The following DDX46 variants were observed in gnomAD, a reference collection of about 807,000 sequenced individuals.
DDX46 encodes the protein DEAD-box helicase 46.
In DDX46, 30 loss-of-function variants were observed where a neutral mutation model predicts 134.9. That is an observed-to-expected ratio of 0.22 (90% CI 0.17 to 0.30). The LOEUF (loss-of-function observed/expected upper bound fraction) is 0.30. Ranked by LOEUF, DDX46 falls within the 10% of genes least tolerant of loss-of-function variation. The pLI is 1.00. For missense variants in DDX46, 622 were observed against 1,248.7 expected (o/e 0.50, Z 7.56); for synonymous variants, 415 against 404.1 (o/e 1.03, Z -0.32).
In DDX46 at chr5:134,777,755, C is replaced by T. The variant is rs182596035; in HGVS notation, c.765+30C>T. The T allele has an allele frequency of 1.5e-4, 239 of 1,581,694 alleles. No individual in the cohort carries two copies. The Middle Eastern group carries it at 1.7e-3, about 11-fold the overall frequency. On this transcript the variant is annotated intron_variant, in intron 6 of 22. Coordinates refer to ENST00000452510, the MANE Select transcript of DDX46 (RefSeq NM_001300860.2). ...GGAATTTCTTATTTTTAAAGATTTCCGTTTCCTCTTGGGTAACTTGAGTTC... is the reference window on the plus strand; with the variant it reads ...GGAATTTCTTATTTTTAAAGATTTCTGTTTCCTCTTGGGTAACTTGAGTTC...
intron 21 of DDX46, among the ~76,000 whole-genome samples, chr5:134,821,456 C>T (rs1216003087): frequency 2.6e-5 from 4 of 151,870 alleles, no homozygotes; most frequent in African/African-American, 7.3e-5. Context: ...GGATTACAGG[C>T]ATGAGCCACT....
intron 15 of DDX46, among the ~76,000 whole-genome samples, chr5:134,799,514 G>C (rs1754764740): frequency 6.6e-6 from 1 of 151,902 alleles, no homozygotes; most frequent in Non-Finnish European, 1.5e-5. Context: ...GAGGCGGGTG[G>C]ATCACTTGAG....
In DDX46 at chr5:134,824,035, A is replaced by G. The variant is rs186862768; in HGVS notation, c.2978-2912A>G. Among the ~76,000 whole-genome samples the G allele has an allele frequency of 5.3e-5, 8 of 152,330 alleles. No homozygotes were observed. The East Asian group carries it at 1.3e-3, about 26-fold the overall frequency. On this transcript the variant is annotated intron_variant, in intron 21 of 22. Transcript: ENST00000452510. ...ATTAATTTAAATGCAGTGTTTGCTT[A>G]GTATGGTATAATTGATATATCAAAT...
chr5:134,770,510 C>A (rs909533269), intron 3 of DDX46, among the ~76,000 whole-genome samples: 1 of 152,072 alleles, frequency 6.6e-6, no homozygotes, highest in African/African-American at 2.4e-5. Context: ...CACCTTACCC[C>A]ACCTGTAAAA....
chr5:134,828,574 TTTGG>T (rs1465326649), intron 22 of DDX46, 81 bp from the exon 23 acceptor site: 28 of 865,348 alleles, frequency 3.2e-5, no homozygotes, highest in East Asian at 8.9e-5. Flanking sequence ...TTTGGGTTTG[TTTGG>T]TTGGTTGGTT....
At chr5:134,759,928 A>T (rs1004464335) in intron 1 of DDX46, among the ~76,000 whole-genome samples, 1 of 152,180 alleles carries the variant, frequency 6.6e-6, no homozygotes, top group African/African-American at 2.4e-5. Context: ...TATTTGACTC[A>T]TTCTTCTCTC....
chr5:134,760,954 C>T (rs1431914291), intron 1 of DDX46, among the ~76,000 whole-genome samples: 3 of 152,098 alleles, frequency 2.0e-5, no homozygotes, highest in Non-Finnish European at 4.4e-5. Flanking sequence ...TGGTCTCGAT[C>T]TCCTGACCTT....
intron 3 of DDX46, 125 bp downstream of exon 3, chr5:134,767,185 G>A: frequency 3.3e-6 from 4 of 1,199,104 alleles, no homozygotes; most frequent in Non-Finnish European, 4.5e-6. Context: ...CTCCTACCAT[G>A]AACTGTTGGC....
chr5:134,821,620 A>G (rs1580821646), intron 21 of DDX46, among the ~76,000 whole-genome samples: 2 of 148,022 alleles, frequency 1.4e-5, no homozygotes, highest in Non-Finnish European at 3.0e-5. Flanking sequence ...GCAACGGCGC[A>G]ATTTTGGCTC....
intron 13 of DDX46, among the ~76,000 whole-genome samples, chr5:134,792,352 G>A (rs1485166076): frequency 6.6e-6 from 1 of 152,084 alleles, no homozygotes. Context: ...CTTGATCTGA[G>A]TTTAGTTTGA....
chr5:134,817,414 T>A, intron 19 of DDX46, 82 bp from the exon 20 acceptor site: 1 of 1,375,306 alleles, frequency 7.3e-7, no homozygotes, highest in South Asian at 1.4e-5. Context: ...GTTAGTAGCT[T>A]TTCAGAGAAT....
intron 3 of DDX46, among the ~76,000 whole-genome samples, chr5:134,768,141 G>A (rs1347304879): frequency 6.7e-6 from 1 of 149,220 alleles, no homozygotes; most frequent in Admixed American, 6.7e-5. Context: ...CCAAAGTCTC[G>A]TTCTGTTGCC....
chr5:134,787,559 G>A (rs1233840362), intron 11 of DDX46, among the ~76,000 whole-genome samples: 1 of 152,136 alleles, frequency 6.6e-6, no homozygotes, highest in Non-Finnish European at 1.5e-5. Flanking sequence ...CATTTTCTAA[G>A]TTTATCTTTA....
Position 134,764,024 on chromosome 5 carries a change from TAGG to T in DDX46, c.144_146del (p.Arg49del). On this transcript the variant is annotated inframe_deletion, in exon 2 of 23. Transcript: ENST00000452510. ...GACGGTCTAGAAGTAGAGATAGAGA[TAGG>T]AGGAGAGAGAGGTCTCGTAGCAGGG... 1.2e-6 allele frequency: 2 copies of T among 1,614,054 alleles called. No individual in the cohort carries two copies. The highest frequency in any genetic ancestry group is 8.5e-7 in the Non-Finnish European group (1 of 1,180,022).
At position 134,817,538 on chromosome 5, in the gene DDX46, A is replaced by C. The variant is rs1414729588; in HGVS notation, c.2656A>C (p.Thr886Pro). ...CACCAATGCAATTCTTAGGGGTGGC[A>C]CCATTCTGGCTCCCACTGTTTCTGC... ...QATNAILRGG[T>P]ILAPTVSAKT... Residue 886 changes from threonine (T) to proline (P), a missense_variant, in exon 20 of 23, where the codon ACC (threonine) becomes CCC (proline). By Grantham distance (38) the Thr-to-Pro change is conservative. Transcript: ENST00000452510. 4 of 1,614,032 alleles carry C rather than the reference A, an allele frequency of 2.5e-6. No homozygotes were observed.
intron 21 of DDX46, among the ~76,000 whole-genome samples, chr5:134,819,472 A>G (rs79909093): frequency 1.3e-3 from 195 of 152,340 alleles, no homozygotes; most frequent in African/African-American, 4.4e-3. Context: ...TGTAACAGCA[A>G]TCAGGTTTGG....
chr5:134,794,741 C>G, intron 13 of DDX46, 109 bp from the exon 14 acceptor site: 1 of 1,416,662 alleles, frequency 7.1e-7, no homozygotes, highest in East Asian at 2.3e-5. Context: ...GTGGGAGTGG[C>G]AAAACTGAGA....
At chr5:134,784,611 T>C in intron 10 of DDX46, 70 bp downstream of exon 10, 1 of 1,446,556 alleles carries the variant, frequency 6.9e-7, no homozygotes, top group Non-Finnish European at 9.2e-7. Context: ...CCTTATAGTT[T>C]ATAATGTTCT....
At chr5:134,782,203 T>C (rs1754175728) in intron 8 of DDX46, 117 bp downstream of exon 8, 1 of 1,142,652 alleles carries the variant, frequency 8.8e-7, no homozygotes, top group Non-Finnish European at 1.2e-6. Flanking sequence ...GAAATATTTT[T>C]AAAATGATCA....
Sources: gnomAD v4.1 joint callset for allele counts (sites outside exome capture counted in the v4.1 genomes callset) on GRCh38, gnomAD v4.1.1 for gene constraint, MANE v1.5 for transcripts, NCBI Gene and HGNC (gene_info 2026-07-23, HGNC 2026-07-21) for gene names.